Variants in MACROD2 observed in about 807,000 individuals in gnomAD.
The protein encoded by MACROD2 is ADP-ribose glycohydrolase MACROD2.
In MACROD2, 36 loss-of-function variants were observed where a neutral mutation model predicts 70.4. That is an observed-to-expected ratio of 0.51 (90% confidence interval 0.39 to 0.68). The LOEUF is 0.68. MACROD2 is among the 30% of genes least tolerant of loss of function. MACROD2 has a pLI of 0.00. For synonymous variants in MACROD2, 172 were observed against 178.8 expected, an observed-to-expected ratio of 0.96 and a Z score of 0.30; for missense variants, 496 against 538.4, an observed-to-expected ratio of 0.92 and a Z score of 0.78.
intron 5 of MACROD2, among the ~76,000 whole-genome samples, chr20:15,059,321 G>T (rs2075513122): frequency 6.6e-6 from 1 of 151,572 alleles, no homozygotes; most frequent in East Asian, 1.9e-4. Context: ...GGAGGTGGAG[G>T]CTGCAGTGAA....
intron 5 of MACROD2, among the ~76,000 whole-genome samples, chr20:15,072,722 G>A (rs1299984218): frequency 1.3e-5 from 2 of 152,024 alleles, no homozygotes; most frequent in Admixed American, 6.6e-5. Context: ...ATTTTACCTG[G>A]ATATTTTACT....
At chr20:14,873,062 AG>A (rs2073508121) in intron 5 of MACROD2, among the ~76,000 whole-genome samples, 1 of 152,106 alleles carries the variant, frequency 6.6e-6, no homozygotes, top group Non-Finnish European at 1.5e-5. Context: ...AAGAATATGG[AG>A]ATTACAATTC....
intron 6 of MACROD2, among the ~76,000 whole-genome samples, chr20:15,387,510 C>T (rs76328239): frequency 0.019 from 2,901 of 151,480 alleles, 82 homozygotes; most frequent in African/African-American, 0.064. Flanking sequence ...CCTTTTCCCC[C>T]CTTCCCCCTC....
chr20:14,670,322 G>A (rs1473735680), intron 4 of MACROD2, among the ~76,000 whole-genome samples: 1 of 152,054 alleles, frequency 6.6e-6, no homozygotes, highest in Non-Finnish European at 1.5e-5. Context: ...CCTCATTGTT[G>A]ATGGAAATAT....
chr20:14,746,144 G>A (rs778857100), intron 5 of MACROD2, among the ~76,000 whole-genome samples: 7 of 152,072 alleles, frequency 4.6e-5, no homozygotes, highest in East Asian at 3.9e-4. Context: ...GAATGACAAT[G>A]TTTCCTTCAC....
intron 5 of MACROD2, among the ~76,000 whole-genome samples, chr20:15,114,890 A>G (rs2075981193): frequency 6.6e-6 from 1 of 152,154 alleles, no homozygotes; most frequent in Non-Finnish European, 1.5e-5. Context: ...AACTAGGCCA[A>G]TCAGATCTTT....
At chr20:15,144,485 G>T (rs1055551789) in intron 5 of MACROD2, among the ~76,000 whole-genome samples, 2 of 152,050 alleles carry the variant, frequency 1.3e-5, no homozygotes, top group South Asian at 4.1e-4. Flanking sequence ...ACTTTGAAAC[G>T]TTCTTCCAGT....
At chr20:15,548,179 C>A (rs2146581311) in intron 8 of MACROD2, among the ~76,000 whole-genome samples, 1 of 152,186 alleles carries the variant, frequency 6.6e-6, no homozygotes, top group East Asian at 1.9e-4. Flanking sequence ...TTAGCTTTAC[C>A]TTGTGATCTG....
At position 15,314,362 on chromosome 20, in the gene MACROD2, G is replaced by A. The variant is rs554962473; in HGVS notation, c.540+84301G>A. ...TCTCGGCACTTTGGGAGGCCAAGGT[G>A]GGAAAATTGCTTAAGGTCAGCAGTT... On this transcript the variant is annotated intron_variant, in intron 6 of 17. Coordinates refer to ENST00000684519, the MANE Select transcript of MACROD2 (RefSeq NM_001351661.2). Among the ~76,000 whole-genome samples the A allele has an allele frequency of 4.9e-4, 75 of 152,242 alleles. 2 individuals are homozygous for A. The highest frequency in any genetic ancestry group is 1.5e-4 in the Non-Finnish European group (10 of 68,012).
At chr20:14,765,901 C>T (rs1158150396) in intron 5 of MACROD2, among the ~76,000 whole-genome samples, 1 of 151,978 alleles carries the variant, frequency 6.6e-6, no homozygotes, top group Non-Finnish European at 1.5e-5. Context: ...CCTGCTGTAC[C>T]ACAGACTTAA....
At chr20:15,003,098 C>T (rs561309710) in intron 5 of MACROD2, among the ~76,000 whole-genome samples, 1 of 152,204 alleles carries the variant, frequency 6.6e-6, no homozygotes, top group South Asian at 2.1e-4. Flanking sequence ...CAGAACCCAC[C>T]ATTATTATTG....
intron 8 of MACROD2, among the ~76,000 whole-genome samples, chr20:15,518,494 G>A (rs2047600798): frequency 1.3e-5 from 2 of 152,202 alleles, no homozygotes; most frequent in Non-Finnish European, 1.5e-5. Context: ...ATTTTCCAGT[G>A]AGTGCTTCAT....
chr20:15,113,799 T>TGTGTGTGTGTGTGC (rs1435199929), intron 5 of MACROD2, among the ~76,000 whole-genome samples: 6 of 146,782 alleles, frequency 4.1e-5, no homozygotes, highest in South Asian at 4.3e-4. Context: ...TGTGTGTGTG[T>TGTGTGTGTGTGTGC]GCTGGAGGGG....
chr20:15,111,132 A>T (rs1414475037), intron 5 of MACROD2, among the ~76,000 whole-genome samples: 1 of 150,350 alleles, frequency 6.7e-6, no homozygotes, highest in Non-Finnish European at 1.5e-5. Context: ...TGTATTTCAG[A>T]TATTTTTTAC....
chr20:15,084,282 G>T (rs1296856522), intron 5 of MACROD2, among the ~76,000 whole-genome samples: 1 of 151,884 alleles, frequency 6.6e-6, no homozygotes, highest in Non-Finnish European at 1.5e-5. Context: ...TGGCCATGCT[G>T]GTCTCGAAGT....
chr20:15,945,036 G>A (rs1354813593), intron 12 of MACROD2, among the ~76,000 whole-genome samples: 1 of 152,028 alleles, frequency 6.6e-6, no homozygotes, highest in African/African-American at 2.4e-5. Context: ...ACCCTACCCT[G>A]ACTAAGCTGT....
chr20:15,640,372 G>A (rs2049441217), intron 8 of MACROD2, among the ~76,000 whole-genome samples: 1 of 152,144 alleles, frequency 6.6e-6, no homozygotes. Context: ...GTGAGACCCA[G>A]GTACAGACGC....
chr20:15,127,074 G>C (rs976168145), intron 5 of MACROD2, among the ~76,000 whole-genome samples: 5 of 151,968 alleles, frequency 3.3e-5, no homozygotes, highest in African/African-American at 2.4e-5. Flanking sequence ...CCACACTCTT[G>C]GTTTTAAAGC....
chr20:15,978,690 A>G (rs1296882030), intron 13 of MACROD2, among the ~76,000 whole-genome samples: 2 of 152,118 alleles, frequency 1.3e-5, no homozygotes, highest in Non-Finnish European at 2.9e-5. Context: ...TTTTTTCAAA[A>G]GTGGAAAGGT....
Sources: allele counts gnomAD v4.1 joint callset (sites outside exome capture counted in the v4.1 genomes callset), GRCh38; gene constraint gnomAD v4.1.1; transcripts MANE v1.5; gene names NCBI Gene and HGNC (gene_info 2026-07-23, HGNC 2026-07-21).